Variants in STRAP observed in about 807,000 individuals in gnomAD.
STRAP encodes serine-threonine kinase receptor-associated protein.
Under a neutral mutation model 47.0 loss-of-function variants are expected in STRAP, and 16 were observed. That is an observed-to-expected ratio of 0.34 (90% CI 0.23 to 0.52). STRAP has a LOEUF of 0.52. Among genes scored for constraint, STRAP ranks in the 20% least tolerant of loss-of-function variants. The probability of loss-of-function intolerance (pLI) is 0.96; values close to 1 mark genes in which losing one functional copy is unlikely to be tolerated. For missense variants in STRAP, 293 were observed against 420.0 expected (o/e 0.70, Z 2.64); for synonymous variants, 130 against 142.7 (o/e 0.91, Z 0.63).
intron 4 of STRAP, among the ~76,000 whole-genome samples, chr12:15,892,265 T>G (rs370505258): frequency 6.6e-6 from 1 of 152,212 alleles, no homozygotes; most frequent in East Asian, 1.9e-4. Flanking sequence ...TTCTAATTTA[T>G]CATTTGCTTT....
intron 4 of STRAP, among the ~76,000 whole-genome samples, chr12:15,891,062 A>G (rs993111606): frequency 1.1e-4 from 16 of 145,744 alleles, no homozygotes; most frequent in African/African-American, 4.2e-4. Context: ...CTCAGTTTCA[A>G]AAAAAAAAAA....
Position 15,894,221 on chromosome 12 carries a change from A to G in STRAP, c.500+78A>G, listed in dbSNP as rs1357431956. Reference sequence around the variant, plus strand: ...ACGCCTATAATCTCAGCACTTTGGGAGGCGAGCCGGGTGGATCATTAGAGG... The same window carrying G: ...ACGCCTATAATCTCAGCACTTTGGGGGGCGAGCCGGGTGGATCATTAGAGG... On this transcript the variant is annotated intron_variant, in intron 5 of 9. Coordinates refer to ENST00000419869, the MANE Select transcript of STRAP (RefSeq NM_007178.4). The surrounding 1 kb of genome is among the most constrained non-coding windows in gnomAD (Gnocchi z 4.9). 5 of 1,182,400 alleles carry G rather than the reference A, an allele frequency of 4.2e-6. No individual in the cohort carries two copies. In the South Asian group the frequency reaches 6.3e-5, roughly 15 times the overall value. The allele number at this position is 1,182,400 out of a possible 1,614,324, so 73.2% of individuals were successfully genotyped here.
chr12:15,901,094 A>G, intron 9 of STRAP, 82 bp downstream of exon 9: 1 of 1,028,960 alleles, frequency 9.7e-7, no homozygotes, highest in Non-Finnish European at 1.4e-6. Flanking sequence ...TCATTGGCAG[A>G]AGAAATTTAT....
chr12:15,901,121 TA>T, intron 9 of STRAP, 109 bp downstream of exon 9: 7 of 744,036 alleles, frequency 9.4e-6, no homozygotes, highest in South Asian at 3.1e-5. Flanking sequence ...TGAACATATT[TA>T]AATAATGGAA....
chr12:15,882,924 G>A, intron 1 of STRAP, 105 bp downstream of exon 1: 4 of 1,364,594 alleles, frequency 2.9e-6, no homozygotes, highest in Non-Finnish European at 4.1e-6. Context: ...AGGGGGGAGG[G>A]GGCGATATTA....
intron 8 of STRAP, 23 bp from the exon 9 acceptor site, chr12:15,900,924 C>T (rs775347461): frequency 1.7e-4 from 259 of 1,565,504 alleles, no homozygotes; most frequent in Non-Finnish European, 2.1e-4. Context: ...GTCATATAAT[C>T]GTCATTGCTT....
intron 4 of STRAP, among the ~76,000 whole-genome samples, chr12:15,892,854 C>G (rs1016214869): frequency 6.6e-6 from 1 of 152,112 alleles, no homozygotes; most frequent in Admixed American, 6.5e-5. Flanking sequence ...CAAGGTAGTT[C>G]AGGGATTGGG....
chr12:15,893,535 A>G (rs1198976308), intron 4 of STRAP, among the ~76,000 whole-genome samples: 1 of 147,134 alleles, frequency 6.8e-6, no homozygotes, highest in African/African-American at 2.5e-5. Context: ...TATTTATTAT[A>G]CAATAATGCT....
intron 8 of STRAP, 71 bp from the exon 9 acceptor site, chr12:15,900,876 T>C (rs1948097549): frequency 2.3e-6 from 3 of 1,284,336 alleles, no homozygotes; most frequent in Non-Finnish European, 3.1e-6. Context: ...GTTGCTCTTC[T>C]TGCTTATTGA....
chr12:15,899,716 G>A (rs1272583108), intron 7 of STRAP, among the ~76,000 whole-genome samples, 188 bp from the exon 8 acceptor site: 2 of 152,136 alleles, frequency 1.3e-5, no homozygotes, highest in African/African-American at 4.8e-5. Context: ...ATTTGGAAAG[G>A]AATAATCTTA....
intron 2 of STRAP, among the ~76,000 whole-genome samples, chr12:15,885,488 CT>C (rs5796649): frequency 8.8e-4 from 116 of 132,446 alleles, no homozygotes; most frequent in Middle Eastern, 4.0e-3. Context: ...CGTGCCTGGC[CT>C]TTTTTTTTTT....
At chr12:15,886,392 TC>T (rs1167855585) in intron 2 of STRAP, among the ~76,000 whole-genome samples, 1 of 152,082 alleles carries the variant, frequency 6.6e-6, no homozygotes, top group African/African-American at 2.4e-5. Context: ...CACCATGTTG[TC>T]CAGGTTGGTC....
In STRAP at chr12:15,894,025, C is replaced by A; in HGVS notation, c.404-22C>A. The A allele has an allele frequency of 6.6e-7, 1 of 1,525,918 alleles. No individual in the cohort carries two copies. The highest frequency in any genetic ancestry group is 9.1e-7 in the Non-Finnish European group (1 of 1,104,158). 94.5% of individuals were successfully genotyped at this position (1,525,918 alleles called of 1,614,324 possible). A position where few individuals can be genotyped will look rare whatever the true frequency, so the allele number is the denominator to read the frequency against. On this transcript the variant is annotated intron_variant, in intron 4 of 9. Coordinates refer to ENST00000419869, the MANE Select transcript of STRAP (RefSeq NM_007178.4). This position sits in a 1 kb window ranked among gnomAD's most constrained non-coding sequence, Gnocchi z 4.9. ...AAAAAATCATATATTAACAAATGTA[C>A]TTTAAATTGTTTTATCTCAAGAACC...
intron 8 of STRAP, among the ~76,000 whole-genome samples, chr12:15,900,469 G>A (rs1591990273): frequency 6.6e-6 from 1 of 151,320 alleles, no homozygotes; most frequent in South Asian, 2.1e-4. Flanking sequence ...GCCATGCATT[G>A]AGCTGAGATC....
rs115082090 is a variant in STRAP, at chr12:15,898,765, T to C, written c.775+747T>C. ...AAAATATGTTTAGTTTTTATAAATA[T>C]ATATTTTTATCTATAAGCTGTCTCT... On this transcript the variant is annotated intron_variant, in intron 7 of 9. Transcript: ENST00000419869. Among the ~76,000 whole-genome samples the C allele has an allele frequency of 3.7e-3, 567 of 152,276 alleles. 5 individuals are homozygous for C. Among genetic ancestry groups the C allele is most frequent in the African/African-American group, 0.012 (512 of 41,562 alleles).
chr12:15,895,418 G>C lies in STRAP; in HGVS notation c.560G>C (p.Ser187Thr), dbSNP rs1565576163. The change falls in exon 6 of 10, where the codon AGT (serine) becomes ACT (threonine). Residue 187 changes from serine (S) to threonine (T), a missense_variant. Coordinates refer to ENST00000419869, the MANE Select transcript of STRAP (RefSeq NM_007178.4). ...TCTCTAAATTTTAATATGTCTGTTA[G>C]TAGTATGGAATATATTCCTGAGGGA... ...VKSLNFNMSV[S>T]SMEYIPEGEI... 3 of 1,605,496 alleles carry C rather than the reference G, an allele frequency of 1.9e-6. No individual in the cohort carries two copies. The highest frequency in any genetic ancestry group is 1.1e-5 in the South Asian group (1 of 88,952).
At chr12:15,899,836 T>A in intron 7 of STRAP, 68 bp from the exon 8 acceptor site, 1 of 1,453,120 alleles carries the variant, frequency 6.9e-7, no homozygotes, top group Non-Finnish European at 9.5e-7. Flanking sequence ...AGACAGTATT[T>A]TTTTTTTTTA....
chr12:15,882,928 G>T (rs1341488261), intron 1 of STRAP, 109 bp downstream of exon 1: 4 of 1,348,908 alleles, frequency 3.0e-6, no homozygotes, highest in Non-Finnish European at 4.1e-6. Context: ...GGGAGGGGGC[G>T]ATATTAACAT....
intron 8 of STRAP, 28 bp downstream of exon 8, chr12:15,900,081 A>T: frequency 6.3e-7 from 1 of 1,583,126 alleles, no homozygotes; most frequent in South Asian, 1.2e-5. Context: ...GAATAATAAA[A>T]TTTTTAAAAT....
Sources: allele counts gnomAD v4.1 joint callset (sites outside exome capture counted in the v4.1 genomes callset), GRCh38; gene constraint gnomAD v4.1.1; non-coding constraint Gnocchi (gnomAD v3.1); transcripts MANE v1.5; gene names NCBI Gene and HGNC (gene_info 2026-07-23, HGNC 2026-07-21).